Variants in CCSER1 observed in about 807,000 individuals in gnomAD.
The protein encoded by CCSER1 is coiled-coil serine rich protein 1.
CCSER1 carries 41 observed loss-of-function variants against 82.0 expected under a neutral mutation model. That is an observed-to-expected ratio of 0.50 (90% CI 0.39 to 0.65). CCSER1 has a LOEUF of 0.65. Among genes scored for constraint, CCSER1 ranks in the 30% least tolerant of loss-of-function variants. The pLI is 0.00. For synonymous variants in CCSER1, 414 were observed against 383.9 expected (o/e 1.08, Z -0.92); for missense variants, 1,119 against 1,064.2 (o/e 1.05, Z -0.72).
chr4:90,815,514 A>G (rs1357347485), intron 7 of CCSER1, among the ~76,000 whole-genome samples: 3 of 119,222 alleles, frequency 2.5e-5, no homozygotes, highest in Non-Finnish European at 5.8e-5. Context: ...GCAAAAACAT[A>G]TGTGTGTGTG....
chr4:90,766,499 C>T lies in CCSER1; in HGVS notation c.2010+42508C>T, dbSNP rs557626148. 1.8e-4 allele frequency among the ~76,000 whole-genome samples: 28 copies of T among 151,912 alleles called. No homozygotes were observed. In the East Asian group the frequency reaches 5.4e-3, roughly 29 times the overall value. The stretch of plus-strand genomic sequence containing the variant: ...AAAGAATATGTCACAAATCATTGGC[C>T]AGGCCTGGTGAATGTGGACCTATAG... On this transcript the variant is annotated intron_variant, in intron 7 of 10. Coordinates refer to ENST00000509176, the MANE Select transcript of CCSER1 (RefSeq NM_001145065.2).
At chr4:90,467,821 C>G (rs2153587841) in intron 4 of CCSER1, among the ~76,000 whole-genome samples, 1 of 152,172 alleles carries the variant, frequency 6.6e-6, no homozygotes, top group Non-Finnish European at 1.5e-5. Flanking sequence ...TTCAGAGGTT[C>G]CAGTAGTGTT....
chr4:90,387,178 C>T (rs1252556028), intron 3 of CCSER1, among the ~76,000 whole-genome samples: 1 of 151,960 alleles, frequency 6.6e-6, no homozygotes, highest in Non-Finnish European at 1.5e-5. Context: ...GTTATTTTAA[C>T]ATTATGTTAC....
intron 5 of CCSER1, among the ~76,000 whole-genome samples, chr4:90,625,200 G>C (rs930448771): frequency 6.6e-6 from 1 of 152,100 alleles, no homozygotes; most frequent in African/African-American, 2.4e-5. Context: ...GCCTTAATAT[G>C]TTGTCTGTGC....
intron 10 of CCSER1, among the ~76,000 whole-genome samples, chr4:91,386,191 C>A (rs531475532): frequency 6.6e-6 from 1 of 151,152 alleles, no homozygotes; most frequent in South Asian, 2.1e-4. Context: ...CAACAAGAGT[C>A]CAAGGTAAGC....
At chr4:90,700,906 G>A (rs1202954788) in intron 6 of CCSER1, among the ~76,000 whole-genome samples, 3 of 152,084 alleles carry the variant, frequency 2.0e-5, no homozygotes, top group Non-Finnish European at 4.4e-5. Flanking sequence ...TGAGTAGACT[G>A]CAAAAATTTT....
intron 7 of CCSER1, among the ~76,000 whole-genome samples, chr4:90,771,113 G>T (rs931511380): frequency 5.3e-5 from 8 of 151,924 alleles, no homozygotes; most frequent in Admixed American, 1.3e-4. Flanking sequence ...TGCATTGTTG[G>T]CTATTCACCC....
At chr4:90,215,952 A>ATG (rs1304460238) in intron 1 of CCSER1, among the ~76,000 whole-genome samples, 2 of 151,998 alleles carry the variant, frequency 1.3e-5, no homozygotes, top group African/African-American at 4.8e-5. Flanking sequence ...GTGTGTGAAT[A>ATG]TGTGTGTGTG....
At chr4:90,505,353 T>C (rs1405589479) in intron 5 of CCSER1, among the ~76,000 whole-genome samples, 1 of 151,994 alleles carries the variant, frequency 6.6e-6, no homozygotes, top group Admixed American at 6.6e-5. Flanking sequence ...ATAAAGAATG[T>C]AGGGAAAGAC....
chr4:90,543,122 A>G (rs1258695589), intron 5 of CCSER1, among the ~76,000 whole-genome samples: 4 of 152,142 alleles, frequency 2.6e-5, no homozygotes, highest in Non-Finnish European at 4.4e-5. Flanking sequence ...AGGAGTTCAC[A>G]TGCAATTGCC....
At chr4:91,582,097 C>T (rs1383822075) in intron 10 of CCSER1, among the ~76,000 whole-genome samples, 1 of 151,630 alleles carries the variant, frequency 6.6e-6, no homozygotes, top group Admixed American at 6.6e-5. Context: ...TATTCAGGAT[C>T]TCTTTCTACT....
chr4:91,289,175 G>T (rs1743560926), intron 10 of CCSER1, among the ~76,000 whole-genome samples: 1 of 151,928 alleles, frequency 6.6e-6, no homozygotes, highest in South Asian at 2.1e-4. Context: ...AACAAACCCA[G>T]CTCAACACCT....
chr4:91,420,475 G>T lies in CCSER1; in HGVS notation c.2218-178097G>T, dbSNP rs117276147. On this transcript the variant is annotated intron_variant, in intron 10 of 10. Transcript: ENST00000509176. Reference sequence around the variant, plus strand: ...CATTAATTGTCAGAGAAATGCAAATGAAAATCACAATGAGATATTACTTCA... The same window carrying T: ...CATTAATTGTCAGAGAAATGCAAATTAAAATCACAATGAGATATTACTTCA... 7.6e-4 allele frequency among the ~76,000 whole-genome samples: 115 copies of T among 152,082 alleles called. 2 individuals are homozygous for T. The East Asian group carries it at 0.02, about 26-fold the overall frequency.
At chr4:90,566,732 A>G (rs1779433718) in intron 5 of CCSER1, among the ~76,000 whole-genome samples, 1 of 151,512 alleles carries the variant, frequency 6.6e-6, no homozygotes, top group Non-Finnish European at 1.5e-5. Context: ...CCTCCCGAAT[A>G]GCTGGGACTA....
chr4:91,054,702 AT>A (rs149064307), intron 9 of CCSER1, among the ~76,000 whole-genome samples: 10,193 of 142,342 alleles, frequency 0.072, 1,035 homozygotes, highest in African/African-American at 0.23. Context: ...CAGATTTGAG[AT>A]TTTTTTTTGG....
intron 6 of CCSER1, among the ~76,000 whole-genome samples, chr4:90,640,786 A>T (rs1228435863): frequency 6.6e-6 from 1 of 152,228 alleles, no homozygotes; most frequent in South Asian, 2.1e-4. Flanking sequence ...CCACCTTGTG[A>T]AGAAGGTGCC....
chr4:91,494,377 C>T (rs777643793), intron 10 of CCSER1, among the ~76,000 whole-genome samples: 2 of 151,666 alleles, frequency 1.3e-5, no homozygotes, highest in African/African-American at 2.4e-5. Context: ...AGTTCAAATA[C>T]GGTTCATAAT....
chr4:91,040,001 A>G (rs1741824324), intron 9 of CCSER1, among the ~76,000 whole-genome samples: 1 of 152,168 alleles, frequency 6.6e-6, no homozygotes, highest in Non-Finnish European at 1.5e-5. Flanking sequence ...TCTAATATTT[A>G]ATGACTCCAA....
At chr4:90,835,285 G>T (rs1425101420) in intron 8 of CCSER1, among the ~76,000 whole-genome samples, 2 of 152,098 alleles carry the variant, frequency 1.3e-5, no homozygotes, top group East Asian at 3.9e-4. Flanking sequence ...GAGCCGAGAT[G>T]ACGCCACTGC....
Sources: allele counts gnomAD v4.1 joint callset (sites outside exome capture counted in the v4.1 genomes callset), GRCh38; gene constraint gnomAD v4.1.1; transcripts MANE v1.5; gene names NCBI Gene and HGNC (gene_info 2026-07-23, HGNC 2026-07-21).